The following MMD2 variants were observed in gnomAD, a reference collection of about 807,000 sequenced individuals.
The protein encoded by MMD2 is monocyte to macrophage differentiation associated 2, also known as monocyte to macrophage differentiation factor 2.
A neutral mutation model predicts 33.5 loss-of-function variants in MMD2; 30 were observed. The observed-to-expected ratio is 0.90, with a 90% CI of 0.67 to 1.22. The LOEUF (loss-of-function observed/expected upper bound fraction) is 1.22. Among genes scored for constraint, MMD2 ranks in the 50% most tolerant of loss-of-function variants. MMD2 has a pLI of 0.00. For missense variants in MMD2, 364 were observed against 325.4 expected (o/e 1.12, Z -0.91); for synonymous variants, 129 against 123.0 (o/e 1.05, Z -0.32).
intron 1 of MMD2, among the ~76,000 whole-genome samples, chr7:4,958,601 G>A (rs562604173): frequency 1.4e-3 from 208 of 152,332 alleles, no homozygotes; most frequent in African/African-American, 4.8e-3. Context: ...GTAACTGCCC[G>A]AGCGTAGCTG....
intron 3 of MMD2, among the ~76,000 whole-genome samples, 197 bp downstream of exon 3, chr7:4,919,974 C>A (rs1785233293): frequency 6.6e-6 from 1 of 152,212 alleles, no homozygotes; most frequent in African/African-American, 2.4e-5. Context: ...TGAAGAGACT[C>A]AACCGCAGCC....
intron 1 of MMD2, among the ~76,000 whole-genome samples, chr7:4,931,689 T>C (rs1785591632): frequency 6.6e-6 from 1 of 151,884 alleles, no homozygotes; most frequent in Non-Finnish European, 1.5e-5. Flanking sequence ...CTCAGCCTCC[T>C]GAGTAGCTAA....
In MMD2 at chr7:4,940,296, C is replaced by T. The variant is rs1785870973; in HGVS notation, c.48-14764G>A. Among the ~76,000 whole-genome samples, 4 of 152,330 alleles carry T rather than the reference C, an allele frequency of 2.6e-5. No homozygotes were observed. In the South Asian group the frequency reaches 6.2e-4, roughly 24 times the overall value. On this transcript the variant is annotated intron_variant, in intron 1 of 6. Coordinates refer to ENST00000401401, the MANE Select transcript of MMD2 (RefSeq NM_198403.4). This position sits in a 1 kb window ranked among gnomAD's most constrained non-coding sequence, Gnocchi z 5.0. ...CTCAGCTTCTGCAATTCCTCCCTCT[C>T]TCTCTCTGGCCTGACCCAGCTGGGG...
At chr7:4,907,748 C>A in intron 6 of MMD2, 149 bp from the exon 7 acceptor site, 2 of 658,536 alleles carry the variant, frequency 3.0e-6, no homozygotes, top group Admixed American at 2.7e-5. Context: ...CACTGACATA[C>A]CAGCAATTCT....
the MMD2 span, among the ~76,000 whole-genome samples, chr7:4,899,729 A>G: frequency 0.23 from 34,948 of 152,034 alleles, 4,191 homozygotes; most frequent in South Asian, 0.41. Flanking sequence ...GGTCTTCAAC[A>G]AAAAGGCTTG....
At chr7:4,939,124 C>G (rs1310700308) in intron 1 of MMD2, among the ~76,000 whole-genome samples, 1 of 152,038 alleles carries the variant, frequency 6.6e-6, no homozygotes, top group Admixed American at 6.6e-5. Context: ...ATCACTTGAA[C>G]TAGAGAGATG....
rs1786091978 is a variant in MMD2 at position 4,946,527 on chromosome 7, T to A, written c.47+12444A>T. On this transcript the variant is annotated intron_variant, in intron 1 of 6. Transcript: ENST00000401401. This position sits in a 1 kb window ranked among gnomAD's most constrained non-coding sequence, Gnocchi z 5.0. ...TTGCAACCGCGAGTGAAACAAAGGATTCAGACAATGATAACCAATGGATGC... is the reference window on the plus strand; with the variant it reads ...TTGCAACCGCGAGTGAAACAAAGGAATCAGACAATGATAACCAATGGATGC... Among the ~76,000 whole-genome samples, 1 of 151,930 alleles carries A rather than the reference T, an allele frequency of 6.6e-6. No individual in the cohort carries two copies. Among genetic ancestry groups the A allele is most frequent in the African/African-American group, 2.4e-5 (1 of 41,360 alleles).
chr7:4,899,335 T>C, the MMD2 span, among the ~76,000 whole-genome samples: 1 of 152,112 alleles, frequency 6.6e-6, no homozygotes, highest in Non-Finnish European at 1.5e-5. Context: ...TATCAGAGCA[T>C]ATCACCAAAG....
intron 1 of MMD2, among the ~76,000 whole-genome samples, chr7:4,951,254 C>T (rs544695446): frequency 6.6e-6 from 1 of 152,232 alleles, no homozygotes; most frequent in South Asian, 2.1e-4. Context: ...TTTCTTCCCA[C>T]TGGAGCCCAA....
In MMD2 at chr7:4,935,576, C is replaced by G. The variant is rs1386091959; in HGVS notation, c.48-10044G>C. On this transcript the variant is annotated intron_variant, in intron 1 of 6. Transcript: ENST00000401401. ...TCTATACTCCCAACTACTCAGGAGG[C>G]TGAGGTGGGAGGATCACTGGAGCCC... Among the ~76,000 whole-genome samples, 5 of 144,476 alleles carry G rather than the reference C, an allele frequency of 3.5e-5. No individual in the cohort carries two copies. In the Admixed American group the frequency reaches 3.6e-4, roughly 10 times the overall value. 94.8% of individuals were successfully genotyped at this position (144,476 alleles called of 152,430 possible). A position where few individuals can be genotyped will look rare whatever the true frequency, so the allele number is the denominator to read the frequency against.
rs914024120 is a variant in MMD2 at position 4,940,276 on chromosome 7, C to T, written c.48-14744G>A. On this transcript the variant is annotated intron_variant, in intron 1 of 6. Transcript: ENST00000401401. This position sits in a 1 kb window ranked among gnomAD's most constrained non-coding sequence, Gnocchi z 5.0. The stretch of plus-strand genomic sequence containing the variant: ...AGCCAGGCCCAGTCTCAGAGCTCAG[C>T]TTCTGCAATTCCTCCCTCTCTCTCT... 5.3e-5 allele frequency among the ~76,000 whole-genome samples: 8 copies of T among 152,206 alleles called. No individual in the cohort carries two copies. Among genetic ancestry groups the T allele is most frequent in the African/African-American group, 1.9e-4 (8 of 41,466 alleles).
intron 1 of MMD2, among the ~76,000 whole-genome samples, chr7:4,927,557 A>ATC (rs1402894430): frequency 6.6e-6 from 1 of 151,946 alleles, no homozygotes; most frequent in African/African-American, 2.4e-5. Context: ...ATATATATAT[A>ATC]TTAGCCAGGC....
At chr7:4,897,445 G>A in the MMD2 span, among the ~76,000 whole-genome samples, 1 of 152,120 alleles carries the variant, frequency 6.6e-6, no homozygotes, top group African/African-American at 2.4e-5. Flanking sequence ...AAGTCATGCC[G>A]CAAACGCCAC....
the MMD2 span, among the ~76,000 whole-genome samples, chr7:4,895,039 C>T: frequency 5.3e-5 from 8 of 151,610 alleles, no homozygotes; most frequent in African/African-American, 1.9e-4. Flanking sequence ...CCCCAACGCT[C>T]AGCCGCTTGC....
chr7:4,951,967 G>T (rs970457664), intron 1 of MMD2, among the ~76,000 whole-genome samples: 1 of 151,946 alleles, frequency 6.6e-6, no homozygotes, highest in Non-Finnish European at 1.5e-5. Context: ...GAACTCCTGG[G>T]CTCTAGTGAT....
At chr7:4,936,324 C>CA (rs1785740973) in intron 1 of MMD2, among the ~76,000 whole-genome samples, 1 of 151,638 alleles carries the variant, frequency 6.6e-6, no homozygotes, top group East Asian at 1.9e-4. Flanking sequence ...CACACACACA[C>CA]CCCAACATTT....
chr7:4,922,040 A>C (rs1330248642), intron 2 of MMD2, among the ~76,000 whole-genome samples: 1 of 151,696 alleles, frequency 6.6e-6, no homozygotes, highest in Non-Finnish European at 1.5e-5. Flanking sequence ...AGCCTGGCCA[A>C]CATGGTAAAA....
Position 4,907,412 on chromosome 7 carries a change from G to C in MMD2, c.725C>G (p.Thr242Ser), listed in dbSNP as rs372329878. ...RYLYLPSTLQ[T>S]KVSK ...TGGGTCACCTCATTTGGACACCTTGGTCTGCAGGGTGCTGGGCAGATAGAG... is the reference window on the plus strand; with the variant it reads ...TGGGTCACCTCATTTGGACACCTTGCTCTGCAGGGTGCTGGGCAGATAGAG... Residue 242 changes from threonine (T) to serine (S), a missense_variant, in exon 7 of 7, where the codon ACC becomes AGC. Physicochemically the swap from Thr to Ser is moderately conservative, Grantham distance 58 (BLOSUM62 1). Coordinates refer to ENST00000401401, the MANE Select transcript of MMD2 (RefSeq NM_198403.4). The C allele has an allele frequency of 6.2e-6, 10 of 1,613,828 alleles. No homozygotes were observed. Among genetic ancestry groups the C allele is most frequent in the Non-Finnish European group, 8.5e-6 (10 of 1,179,898 alleles).
chr7:4,901,183 G>A (rs2115075705), downstream of MMD2, among the ~76,000 whole-genome samples: 1 of 150,782 alleles, frequency 6.6e-6, no homozygotes, highest in East Asian at 2.0e-4. Context: ...GCTCACACCT[G>A]TAATCCCACC....
Sources: allele counts gnomAD v4.1 joint callset (sites outside exome capture counted in the v4.1 genomes callset), GRCh38; gene constraint gnomAD v4.1.1; non-coding constraint Gnocchi (gnomAD v3.1); transcripts MANE v1.5; gene names NCBI Gene and HGNC (gene_info 2026-07-23, HGNC 2026-07-21).